Variants in PDS5A observed in about 807,000 individuals in gnomAD.
PDS5A encodes PDS5 cohesin associated factor A.
PDS5A carries 42 observed loss-of-function variants against 167.1 expected under a neutral mutation model. That is an observed-to-expected ratio of 0.25 (90% CI 0.20 to 0.33). The LOEUF (loss-of-function observed/expected upper bound fraction) is 0.33. PDS5A is among the 10% of genes least tolerant of loss of function. PDS5A has a pLI of 1.00. For missense variants in PDS5A, 1,033 were observed against 1,605.9 expected, an observed-to-expected ratio of 0.64 and a Z score of 6.10; for synonymous variants, 553 against 554.6, an observed-to-expected ratio of 1.00 and a Z score of 0.04.
chr4:39,885,595 A>C (rs1276709596), intron 17 of PDS5A, among the ~76,000 whole-genome samples: 1 of 152,160 alleles, frequency 6.6e-6, no homozygotes, highest in Non-Finnish European at 1.5e-5. Flanking sequence ...TATCCAAAAA[A>C]GTAAAGAGAA....
In PDS5A at chr4:39,926,877, A is replaced by G; in HGVS notation, c.343-16T>C. 7.2e-7 allele frequency: 1 copy of G among 1,396,072 alleles called. No individual in the cohort carries two copies. Among genetic ancestry groups the G allele is most frequent in the Non-Finnish European group, 9.4e-7 (1 of 1,060,246 alleles). The allele number at this position is 1,396,072 out of a possible 1,614,324, so 86.5% of individuals were successfully genotyped here. A position where few individuals can be genotyped will look rare whatever the true frequency, so the allele number is the denominator to read the frequency against. ...AAAATATGTCCTGTTAAAAAAAAAA[A>G]CACATTAATTTAGACACAAATACTT... On this transcript the variant is annotated splice_polypyrimidine_tract_variant and intron_variant, in intron 3 of 32. Coordinates refer to ENST00000303538, the MANE Select transcript of PDS5A (RefSeq NM_001100399.2).
chr4:39,945,556 G>A (rs1323057008), intron 2 of PDS5A, among the ~76,000 whole-genome samples: 3 of 151,638 alleles, frequency 2.0e-5, no homozygotes, highest in Admixed American at 6.6e-5. Context: ...TATAGTAGGA[G>A]GAATGCTTCC....
At chr4:39,910,477 G>A in intron 9 of PDS5A, 139 bp from the exon 10 acceptor site, 2 of 568,260 alleles carry the variant, frequency 3.5e-6, no homozygotes, top group Non-Finnish European at 6.3e-6. Flanking sequence ...GTATTCTGAA[G>A]GAAGAATATA....
At chr4:39,881,018 T>C (rs1216788853) in intron 17 of PDS5A, among the ~76,000 whole-genome samples, 2 of 152,158 alleles carry the variant, frequency 1.3e-5, no homozygotes, top group African/African-American at 2.4e-5. Flanking sequence ...ATCTACTTTT[T>C]TTTTTTAGCT....
intron 17 of PDS5A, 129 bp from the exon 18 acceptor site, chr4:39,879,962 T>C: frequency 1.8e-6 from 1 of 549,638 alleles, no homozygotes; most frequent in South Asian, 3.1e-5. Context: ...GGAAAAAAGT[T>C]CAACCTTGTC....
At chr4:39,826,239 T>C (rs982164389) in intron 32 of PDS5A, among the ~76,000 whole-genome samples, 12 of 151,184 alleles carry the variant, frequency 7.9e-5, no homozygotes, top group Admixed American at 1.3e-4. Flanking sequence ...TTCTGATCCC[T>C]GGAAGCACAG....
intron 2 of PDS5A, among the ~76,000 whole-genome samples, chr4:39,947,658 A>C (rs1727905722): frequency 2.0e-5 from 3 of 152,178 alleles, no homozygotes; most frequent in Admixed American, 1.3e-4. Context: ...TGTTTTAAGA[A>C]AGTTTATGAA....
rs765504041 is a variant in PDS5A at position 39,928,175 on chromosome 4, G to A, written c.139-11C>T. Reference sequence around the variant, plus strand: ...GGTTTTCACTACCATCTGTAAAAATGTACAAAAACACAAAATAATTAACTC... The same window carrying A: ...GGTTTTCACTACCATCTGTAAAAATATACAAAAACACAAAATAATTAACTC... On this transcript the variant is annotated splice_polypyrimidine_tract_variant and intron_variant, in intron 2 of 32. Coordinates refer to ENST00000303538, the MANE Select transcript of PDS5A (RefSeq NM_001100399.2). 4 of 1,548,648 alleles carry A rather than the reference G, an allele frequency of 2.6e-6. No individual in the cohort carries two copies. The African/African-American group carries it at 5.4e-5, about 21-fold the overall frequency.
intron 20 of PDS5A, among the ~76,000 whole-genome samples, chr4:39,874,085 T>A (rs1161742901): frequency 6.6e-6 from 1 of 152,082 alleles, no homozygotes; most frequent in Non-Finnish European, 1.5e-5. Context: ...CCCTTCAATA[T>A]GAGGTGTTTG....
chr4:39,976,590 CT>C lies in PDS5A; in HGVS notation c.-14del. 1 of 1,606,722 alleles carries C rather than the reference CT, an allele frequency of 6.2e-7. No individual in the cohort carries two copies. The highest frequency in any genetic ancestry group is 8.5e-7 in the Non-Finnish European group (1 of 1,174,694). The stretch of plus-strand genomic sequence containing the variant: ...CGGTGAAGTCCATCCTGGGGGACAA[CT>C]TTTGGTTCACAGTCCTCTACCGGCC... On this transcript the variant is annotated 5_prime_UTR_variant, in exon 2 of 33. Transcript: ENST00000303538.
intron 32 of PDS5A, among the ~76,000 whole-genome samples, chr4:39,835,932 T>C (rs1367226145): frequency 1.3e-5 from 2 of 152,194 alleles, no homozygotes; most frequent in African/African-American, 4.8e-5. Context: ...TTTTTGTGTG[T>C]AGGTGAAGAA....
chr4:39,855,337 C>T (rs1718446994), intron 26 of PDS5A, among the ~76,000 whole-genome samples: 1 of 152,154 alleles, frequency 6.6e-6, no homozygotes, highest in Non-Finnish European at 1.5e-5. Context: ...TGGTGGACTG[C>T]GCCCTACAAG....
At chr4:39,845,793 C>A in intron 29 of PDS5A, 25 bp downstream of exon 29, 2 of 1,380,828 alleles carry the variant, frequency 1.4e-6, no homozygotes, top group Non-Finnish European at 1.9e-6. Flanking sequence ...AAACAAAGAT[C>A]TCAAAATTAT....
intron 16 of PDS5A, among the ~76,000 whole-genome samples, chr4:39,890,954 A>G (rs1721907068): frequency 6.6e-6 from 1 of 152,008 alleles, no homozygotes; most frequent in South Asian, 2.1e-4. Context: ...TTTAGAATAA[A>G]AACAATTTGT....
intron 2 of PDS5A, among the ~76,000 whole-genome samples, chr4:39,929,579 A>G (rs1725811728): frequency 8.1e-6 from 1 of 123,466 alleles, no homozygotes; most frequent in Non-Finnish European, 1.6e-5. Context: ...CTACATACAT[A>G]TATCTCCTAT....
Position 39,977,598 on chromosome 4 carries a change from G to C in PDS5A, c.-182C>G, listed in dbSNP as rs1057281801. 6.3e-6 allele frequency: 1 copy of C among 159,034 alleles called. No individual in the cohort carries two copies. The highest frequency in any genetic ancestry group is 1.3e-5 in the Non-Finnish European group (1 of 74,288). 9.9% of individuals were successfully genotyped at this position (159,034 alleles called of 1,614,324 possible). A position where few individuals can be genotyped will look rare whatever the true frequency, so the allele number is the denominator to read the frequency against. On this transcript the variant is annotated 5_prime_UTR_variant, in exon 1 of 33. Coordinates refer to ENST00000303538, the MANE Select transcript of PDS5A (RefSeq NM_001100399.2). This position sits in a 1 kb window ranked among gnomAD's most constrained non-coding sequence, Gnocchi z 4.2. ...CGCCGCCGCCCGCCCGCCCGGGAGC[G>C]GCGCTGGGGCTGGCGGTGCCGAGGA...
chr4:39,965,222 C>T (rs1211801166), intron 2 of PDS5A, among the ~76,000 whole-genome samples: 1 of 152,178 alleles, frequency 6.6e-6, no homozygotes, highest in Non-Finnish European at 1.5e-5. Context: ...CTTAGCCCAA[C>T]TACTCTGCTA....
rs188726866 is a variant in PDS5A, at chr4:39,832,432, C to G, written c.4010+5424G>C. The stretch of plus-strand genomic sequence containing the variant: ...ATTTCACCGTGTTAGCCAGGATGGT[C>G]TCGATCTCCTGACCTCGTGATCCAC... On this transcript the variant is annotated intron_variant, in intron 32 of 32. Coordinates refer to ENST00000303538, the MANE Select transcript of PDS5A (RefSeq NM_001100399.2). Among the ~76,000 whole-genome samples the G allele has an allele frequency of 6.7e-3, 1,014 of 152,046 alleles. 13 individuals carry two copies. Among genetic ancestry groups the G allele is most frequent in the African/African-American group, 0.023 (969 of 41,472 alleles).
Position 39,976,443 on chromosome 4 carries a change from C to G in PDS5A, c.135G>C (p.Leu45=), listed in dbSNP as rs556827808. The G allele has an allele frequency of 2.5e-5, 41 of 1,612,264 alleles. No individual in the cohort carries two copies. The East Asian group carries it at 7.1e-4, about 28-fold the overall frequency. Residue 45 remains leucine, a synonymous_variant, in exon 2 of 33, where the codon CTG becomes CTC. Transcript: ENST00000303538. ...KITTDEMIKR[L]KMVVKTFMDM... ...CAAAATCCGTCCAGACACTTACCTT[C>G]AGGCGTTTGATCATCTCGTCCGTGG...
Sources: gnomAD v4.1 joint callset for allele counts (sites outside exome capture counted in the v4.1 genomes callset) on GRCh38, gnomAD v4.1.1 for gene constraint, Gnocchi (gnomAD v3.1) non-coding constraint, MANE v1.5 for transcripts, NCBI Gene and HGNC (gene_info 2026-07-23, HGNC 2026-07-21) for gene names.